PIERCE1: variants seen among roughly 807,000 people sequenced by gnomAD.
PIERCE1 encodes the protein piercer of microtubule wall 1 protein.
chr9:135,498,594 G>A, the PIERCE1 span: 57 of 1,613,676 alleles, frequency 3.5e-5, no homozygotes, highest in Middle Eastern at 3.3e-4. The surrounding 1 kb of genome is among the most constrained non-coding windows in gnomAD (Gnocchi z 4.1). Flanking sequence ...CAGGCATCTC[G>A]TGCACGGTGG....
At chr9:135,495,212 C>T in the PIERCE1 span, 10 of 495,672 alleles carry the variant, frequency 2.0e-5, no homozygotes, top group Non-Finnish European at 3.2e-5. Flanking sequence ...AATGCAAAGT[C>T]AACCATTAGC....
the PIERCE1 span, chr9:135,499,504 C>T: frequency 3.9e-6 from 3 of 761,348 alleles, no homozygotes; most frequent in East Asian, 8.1e-5. Flanking sequence ...GCCCTGCCCC[C>T]CACTGCCCTT....
At chr9:135,499,776 C>T in the PIERCE1 span, 12 of 1,606,524 alleles carry the variant, frequency 7.5e-6, no homozygotes, top group East Asian at 2.5e-4. Context: ...CGGTAGTAGT[C>T]GCTGGTCCTC....
the PIERCE1 span, chr9:135,495,729 G>A: frequency 2.0e-6 from 2 of 1,016,124 alleles, no homozygotes; most frequent in Non-Finnish European, 1.4e-6. Context: ...AGCCAGAGTG[G>A]GTAGGATGGC....
chr9:135,498,180 C>T, the PIERCE1 span, among the ~76,000 whole-genome samples: 1 of 152,162 alleles, frequency 6.6e-6, no homozygotes, highest in African/African-American at 2.4e-5. The surrounding 1 kb of genome is among the most constrained non-coding windows in gnomAD (Gnocchi z 4.1). Context: ...TCAGGTTACA[C>T]GTTAACATCT....
At chr9:135,499,746 C>A in the PIERCE1 span, 1 of 1,607,582 alleles carries the variant, frequency 6.2e-7, no homozygotes, top group South Asian at 1.1e-5. Context: ...TTGAACCTGC[C>A]CGGCAGGTCC....
the PIERCE1 span, chr9:135,498,986 C>T: frequency 0.45 from 146,209 of 323,054 alleles, 34,994 homozygotes; most frequent in East Asian, 0.83. The surrounding 1 kb of genome is among the most constrained non-coding windows in gnomAD (Gnocchi z 4.1). Flanking sequence ...TCTGGGTAAC[C>T]TAGCTTGTCA....
chr9:135,499,748 G>C, the PIERCE1 span: 1 of 1,607,594 alleles, frequency 6.2e-7, no homozygotes, highest in African/African-American at 1.3e-5. Flanking sequence ...GAACCTGCCC[G>C]GCAGGTCCGC....
At chr9:135,498,701 T>A in the PIERCE1 span, 4 of 1,570,652 alleles carry the variant, frequency 2.5e-6, no homozygotes, top group East Asian at 9.0e-5. This position sits in a 1 kb window ranked among gnomAD's most constrained non-coding sequence, Gnocchi z 4.1. Context: ...ATTCATTTAC[T>A]CTAATTCTGC....
At chr9:135,497,714 C>T in the PIERCE1 span, among the ~76,000 whole-genome samples, 1 of 152,214 alleles carries the variant, frequency 6.6e-6, no homozygotes, top group African/African-American at 2.4e-5. Flanking sequence ...CGTGAGCCAC[C>T]GCATCCAGCT....
chr9:135,498,016 A>G, the PIERCE1 span, among the ~76,000 whole-genome samples: 3 of 152,064 alleles, frequency 2.0e-5, no homozygotes, highest in Non-Finnish European at 4.4e-5. This position sits in a 1 kb window ranked among gnomAD's most constrained non-coding sequence, Gnocchi z 4.1. Context: ...CTGGACCTTC[A>G]TGGGGTTTGG....
At chr9:135,497,209 A>G in the PIERCE1 span, among the ~76,000 whole-genome samples, 1 of 152,208 alleles carries the variant, frequency 6.6e-6, no homozygotes, top group African/African-American at 2.4e-5. Context: ...CTCCAGACGG[A>G]GCAGGTGGAT....
chr9:135,498,985 C>A, the PIERCE1 span: 1 of 343,220 alleles, frequency 2.9e-6, no homozygotes, highest in South Asian at 3.3e-5. This position sits in a 1 kb window ranked among gnomAD's most constrained non-coding sequence, Gnocchi z 4.1. Context: ...TTCTGGGTAA[C>A]CTAGCTTGTC....
chr9:135,496,959 G>GC, the PIERCE1 span, among the ~76,000 whole-genome samples: 2 of 149,920 alleles, frequency 1.3e-5, no homozygotes, highest in Non-Finnish European at 2.9e-5. Flanking sequence ...ACTATGCCCG[G>GC]CTACTTTTTG....
At chr9:135,496,189 C>T in the PIERCE1 span, among the ~76,000 whole-genome samples, 6 of 152,134 alleles carry the variant, frequency 3.9e-5, no homozygotes, top group South Asian at 2.1e-4. Flanking sequence ...TGGTGGCGGG[C>T]GCATGTAATC....
the PIERCE1 span, among the ~76,000 whole-genome samples, chr9:135,498,409 C>T: frequency 6.6e-6 from 1 of 152,116 alleles, no homozygotes; most frequent in African/African-American, 2.4e-5. This position sits in a 1 kb window ranked among gnomAD's most constrained non-coding sequence, Gnocchi z 4.1. Context: ...CTACCCTCTC[C>T]CAAAGCGATT....
the PIERCE1 span, chr9:135,495,537 C>T: frequency 6.2e-7 from 1 of 1,614,006 alleles, no homozygotes; most frequent in African/African-American, 1.3e-5. Context: ...TCCAGGTAAA[C>T]ATTGAGAGTA....
At chr9:135,495,683 G>C in the PIERCE1 span, 2 of 1,383,146 alleles carry the variant, frequency 1.4e-6, no homozygotes, top group South Asian at 2.7e-5. Context: ...GAATATTTTT[G>C]AAAGAAAAAT....
chr9:135,499,410 G>C, the PIERCE1 span: 6 of 645,806 alleles, frequency 9.3e-6, no homozygotes, highest in Non-Finnish European at 1.8e-5. Context: ...GCCCCGCAGC[G>C]GAGTTTCAGG....
Sources: allele counts gnomAD v4.1 joint callset (sites outside exome capture counted in the v4.1 genomes callset), GRCh38; gene constraint gnomAD v4.1.1; non-coding constraint Gnocchi (gnomAD v3.1); transcripts MANE v1.5; gene names NCBI Gene and HGNC (gene_info 2026-07-23, HGNC 2026-07-21).